The following ESRRG variants were observed in gnomAD, a reference collection of about 807,000 sequenced individuals.
The protein encoded by ESRRG is estrogen related receptor gamma.
A neutral mutation model predicts 44.0 loss-of-function variants in ESRRG; 13 were observed. That is an observed-to-expected ratio of 0.30 (90% CI 0.19 to 0.47). ESRRG has a LOEUF of 0.47. Among genes scored for constraint, ESRRG ranks in the 20% least tolerant of loss-of-function variants. The probability of loss-of-function intolerance (pLI) is 1.00; values close to 1 mark genes in which losing one functional copy is unlikely to be tolerated. For synonymous variants in ESRRG, 215 were observed against 214.6 expected (o/e 1.00, Z -0.02); for missense variants, 395 against 580.6 (o/e 0.68, Z 3.29).
chr1:217,131,165 T>C (rs1358715174), intron 1 of ESRRG, among the ~76,000 whole-genome samples: 1 of 152,192 alleles, frequency 6.6e-6, no homozygotes, highest in African/African-American at 2.4e-5. Flanking sequence ...GTCCATTAAT[T>C]GCAAAGGTCC....
chr1:216,537,691 C>G (rs567224420), intron 5 of ESRRG, among the ~76,000 whole-genome samples: 6 of 152,046 alleles, frequency 3.9e-5, no homozygotes, highest in Non-Finnish European at 8.8e-5. Context: ...ATTTTGAAAG[C>G]TGACTAGGTA....
intron 1 of ESRRG, among the ~76,000 whole-genome samples, chr1:216,974,042 C>A (rs1047677068): frequency 2.6e-5 from 4 of 152,106 alleles, no homozygotes; most frequent in Non-Finnish European, 4.4e-5. Flanking sequence ...CCCGGTGTAA[C>A]TTTTGAGCTT....
intron 1 of ESRRG, among the ~76,000 whole-genome samples, chr1:217,006,737 A>G (rs946538351): frequency 1.3e-5 from 2 of 152,106 alleles, no homozygotes; most frequent in Admixed American, 1.3e-4. Flanking sequence ...CAAGAAACAA[A>G]GTTTTAACTG....
intron 1 of ESRRG, among the ~76,000 whole-genome samples, chr1:216,695,051 G>A (rs1418104430): frequency 6.6e-6 from 1 of 151,920 alleles, no homozygotes; most frequent in Non-Finnish European, 1.5e-5. Flanking sequence ...TGAGGAAAAG[G>A]CCTGAACTAA....
At chr1:216,777,384 A>G (rs2093655240) in intron 2 of ESRRG, among the ~76,000 whole-genome samples, 1 of 152,118 alleles carries the variant, frequency 6.6e-6, no homozygotes, top group African/African-American at 2.4e-5. Context: ...AAACTCTCTC[A>G]ACAAGAGCTA....
At chr1:216,954,210 A>G (rs914249146) in intron 1 of ESRRG, among the ~76,000 whole-genome samples, 1 of 152,098 alleles carries the variant, frequency 6.6e-6, no homozygotes, top group African/African-American at 2.4e-5. Context: ...GTATTTTTTT[A>G]ATTGCACTAC....
At chr1:216,707,600 C>A in intron 1 of ESRRG, 1 of 1,031,116 alleles carries the variant, frequency 9.7e-7, no homozygotes, top group Non-Finnish European at 1.4e-6. Flanking sequence ...CTCCTTTTTA[C>A]ATTGGAGACT....
At chr1:216,730,966 T>G (rs938111447) in intron 2 of ESRRG, among the ~76,000 whole-genome samples, 2 of 152,186 alleles carry the variant, frequency 1.3e-5, no homozygotes, top group Non-Finnish European at 2.9e-5. Flanking sequence ...TTTGTAAATA[T>G]TCATATTGAC....
At chr1:216,835,347 A>G (rs780498181) in intron 2 of ESRRG, among the ~76,000 whole-genome samples, 1 of 152,216 alleles carries the variant, frequency 6.6e-6, no homozygotes, top group Non-Finnish European at 1.5e-5. Context: ...ACGTACGGAA[A>G]TCGGAAGTGA....
At chr1:216,934,554 A>G (rs771473658) in intron 2 of ESRRG, among the ~76,000 whole-genome samples, 3 of 152,200 alleles carry the variant, frequency 2.0e-5, no homozygotes, top group Admixed American at 1.3e-4. Flanking sequence ...CATGTCTTAC[A>G]TGGCGGCAGA....
At chr1:216,939,028 C>A (rs554706857) in intron 2 of ESRRG, among the ~76,000 whole-genome samples, 1 of 152,168 alleles carries the variant, frequency 6.6e-6, no homozygotes, top group East Asian at 1.9e-4. Flanking sequence ...AGACAGATAT[C>A]TCTAGAAAGA....
intron 3 of ESRRG, among the ~76,000 whole-genome samples, chr1:216,586,581 C>CTTTTT (rs752769234): frequency 4.8e-5 from 6 of 124,126 alleles, no homozygotes; most frequent in African/African-American, 6.2e-5. Context: ...AACTTTTGGG[C>CTTTTT]TTTTTTTTTT....
At chr1:216,776,065 C>A (rs1341694220) in intron 2 of ESRRG, among the ~76,000 whole-genome samples, 1 of 152,024 alleles carries the variant, frequency 6.6e-6, no homozygotes, top group African/African-American at 2.4e-5. Context: ...CTTCTTATCA[C>A]TCCTCTATGT....
chr1:216,910,985 T>A (rs1031209633), intron 2 of ESRRG, among the ~76,000 whole-genome samples: 2 of 152,220 alleles, frequency 1.3e-5, no homozygotes, highest in African/African-American at 2.4e-5. Context: ...TTAGTAGTAA[T>A]CATTTATTGA....
intron 5 of ESRRG, among the ~76,000 whole-genome samples, chr1:216,554,555 G>A (rs1343412382): frequency 6.6e-6 from 1 of 152,010 alleles, no homozygotes. Flanking sequence ...AGGACTGCTA[G>A]AGCCCAGTAG....
At position 216,761,174 on chromosome 1, in the gene ESRRG, A is replaced by T. The variant is rs189470840; in HGVS notation, c.-13-83683T>A. Among the ~76,000 whole-genome samples the T allele has an allele frequency of 2.1e-3, 322 of 150,980 alleles. 3 individuals carry two copies. Among genetic ancestry groups the T allele is most frequent in the African/African-American group, 7.1e-3 (291 of 41,246 alleles). ...CCTACTACACAAATAAAAAAAAAAA[A>T]TTTTCTTGTTCTAGAAATAAGGTGA... On this transcript the variant is annotated intron_variant, in intron 2 of 7. Coordinates refer to the ESRRG transcript ENST00000359162.
intron 3 of ESRRG, among the ~76,000 whole-genome samples, chr1:216,568,712 T>C (rs1224597549): frequency 1.3e-5 from 2 of 152,136 alleles, no homozygotes; most frequent in Non-Finnish European, 2.9e-5. Flanking sequence ...TTTCCTCTCA[T>C]ATGTGAGAAA....
At chr1:216,537,210 A>G (rs1457414562) in intron 5 of ESRRG, among the ~76,000 whole-genome samples, 1 of 151,970 alleles carries the variant, frequency 6.6e-6, no homozygotes, top group Non-Finnish European at 1.5e-5. Context: ...GCCCTTATGA[A>G]AGAGACCAGA....
At chr1:216,819,479 A>C (rs1036543533) in intron 2 of ESRRG, among the ~76,000 whole-genome samples, 1 of 152,232 alleles carries the variant, frequency 6.6e-6, no homozygotes, top group South Asian at 2.1e-4. Flanking sequence ...CTTATGGCCC[A>C]AATCACATTT....
Sources: gnomAD v4.1 joint callset for allele counts (sites outside exome capture counted in the v4.1 genomes callset) on GRCh38, gnomAD v4.1.1 for gene constraint, MANE v1.5 for transcripts, NCBI Gene and HGNC (gene_info 2026-07-23, HGNC 2026-07-21) for gene names.